Variants in EP300 observed in about 807,000 individuals in gnomAD.
EP300 encodes EP300 lysine acetyltransferase.
EP300 carries 31 observed loss-of-function variants against 264.0 expected under a neutral mutation model. The ratio of observed to expected loss-of-function variants is 0.12; its 90% CI spans 0.09 to 0.16. The LOEUF (loss-of-function observed/expected upper bound fraction) is 0.16. Ranked by LOEUF, EP300 falls within the 10% of genes least tolerant of loss-of-function variation. EP300 has a pLI of 1.00. For synonymous variants in EP300, 1,340 were observed against 1,045.4 expected, an observed-to-expected ratio of 1.28 and a Z score of -5.44; for missense variants, 2,766 against 3,052.9, an observed-to-expected ratio of 0.91 and a Z score of 2.21.
intron 22 of EP300, among the ~76,000 whole-genome samples, chr22:41,164,718 GA>G (rs2059125503): frequency 6.6e-6 from 1 of 151,958 alleles, no homozygotes; most frequent in African/African-American, 2.4e-5. Context: ...CTGTCTCAAA[GA>G]AAAAAGTAAA....
chr22:41,109,888 A>G (rs1351629136), intron 1 of EP300, among the ~76,000 whole-genome samples: 1 of 151,652 alleles, frequency 6.6e-6, no homozygotes. Context: ...ATCTCAGCTA[A>G]ACGGAACTTC....
At chr22:41,150,959 G>A (rs1264385662) in intron 14 of EP300, among the ~76,000 whole-genome samples, 1 of 151,686 alleles carries the variant, frequency 6.6e-6, no homozygotes, top group Non-Finnish European at 1.5e-5. Context: ...AATAAGATGA[G>A]AGAATTATAG....
chr22:41,162,543 A>G lies in EP300; in HGVS notation c.3672-180A>G, dbSNP rs144137380. Among the ~76,000 whole-genome samples the G allele has an allele frequency of 6.8e-3, 1,030 of 152,330 alleles. 3 individuals are homozygous for G. Among genetic ancestry groups the G allele is most frequent in the Non-Finnish European group, 0.012 (812 of 68,028 alleles). On this transcript the variant is annotated intron_variant, in intron 20 of 30. Coordinates refer to ENST00000263253, the MANE Select transcript of EP300 (RefSeq NM_001429.4). ...GGAAATTTATTTACTATGAAGTCCT[A>G]TAGAATATTCCTTTACATAAACATG...
At chr22:41,126,216 T>A in intron 3 of EP300, 176 bp downstream of exon 3, 1 of 661,554 alleles carries the variant, frequency 1.5e-6, no homozygotes, top group Non-Finnish European at 2.6e-6. Flanking sequence ...TTTCTCTGTT[T>A]TTTTTGTTCC....
chr22:41,161,186 A>T (rs1235503375), intron 20 of EP300, among the ~76,000 whole-genome samples: 1 of 152,252 alleles, frequency 6.6e-6, no homozygotes, highest in Non-Finnish European at 1.5e-5. Context: ...TTAACAGAAG[A>T]CCCAAGTCAC....
At chr22:41,129,384 G>A (rs1222777065) in intron 4 of EP300, among the ~76,000 whole-genome samples, 5 of 152,192 alleles carry the variant, frequency 3.3e-5, no homozygotes, top group Admixed American at 1.3e-4. Context: ...GTCTTCCCAT[G>A]TGGTGATCCT....
intron 19 of EP300, chr22:41,160,422 AAAAAAAAAC>A (rs956613567): frequency 6.8e-5 from 34 of 500,534 alleles, no homozygotes; most frequent in Middle Eastern, 1.1e-3. Context: ...TTGATTGCAA[AAAAAAAAAC>A]AAAAAAAAAC....
intron 2 of EP300, among the ~76,000 whole-genome samples, chr22:41,118,051 C>T (rs932422640): frequency 4.6e-5 from 7 of 152,230 alleles, no homozygotes; most frequent in African/African-American, 1.7e-4. Context: ...CTGGTTCTCT[C>T]TGGCACAAGT....
intron 29 of EP300, among the ~76,000 whole-genome samples, chr22:41,175,245 CAG>C (rs1233482577): frequency 6.9e-6 from 1 of 145,532 alleles, no homozygotes; most frequent in Non-Finnish European, 1.5e-5. Flanking sequence ...TGTAGGGTGA[CAG>C]AAGCAGCGAA....
intron 4 of EP300, 79 bp downstream of exon 4, chr22:41,127,827 T>G: frequency 6.4e-7 from 1 of 1,568,030 alleles, no homozygotes; most frequent in Non-Finnish European, 8.7e-7. Flanking sequence ...CAAGTCTATT[T>G]TGTGGTGATG....
At chr22:41,124,972 C>CT (rs1285184748) in intron 2 of EP300, among the ~76,000 whole-genome samples, 2 of 152,092 alleles carry the variant, frequency 1.3e-5, no homozygotes, top group African/African-American at 4.8e-5. Flanking sequence ...GGGTCTCACT[C>CT]TGTTGCCGAG....
At chr22:41,124,084 C>A (rs2145705141) in intron 2 of EP300, among the ~76,000 whole-genome samples, 1 of 152,228 alleles carries the variant, frequency 6.6e-6, no homozygotes, top group Middle Eastern at 3.4e-3. Context: ...CCCGTCTCGA[C>A]TGAAAGTAAA....
chr22:41,149,519 T>G (rs1166826626), intron 13 of EP300, among the ~76,000 whole-genome samples: 1 of 152,166 alleles, frequency 6.6e-6, no homozygotes, highest in Non-Finnish European at 1.5e-5. Context: ...ATTCTGCCAT[T>G]TTTCTGCGGT....
chr22:41,178,746 T>C lies in EP300; in HGVS notation c.7035T>C (p.Ser2345=). The C allele has an allele frequency of 6.2e-7, 1 of 1,613,972 alleles. No individual in the cohort carries two copies. ...PSPHHVSPQT[S]SPHPGLVAAQ... ...CACACCACGTTTCCCCACAGACAAG[T>C]TCCCCACATCCTGGACTGGTAGCTG... The change falls in exon 31 of 31, where the codon AGT becomes AGC. Residue 2345 remains serine, a synonymous_variant. Coordinates refer to ENST00000263253, the MANE Select transcript of EP300 (RefSeq NM_001429.4).
chr22:41,126,045 GTAC>G lies in EP300; in HGVS notation c.906+8_906+10del. 6.2e-7 allele frequency: 1 copy of G among 1,613,844 alleles called. No homozygotes were observed. Among genetic ancestry groups the G allele is most frequent in the Non-Finnish European group, 8.5e-7 (1 of 1,179,764 alleles). On this transcript the variant is annotated splice_donor_region_variant and intron_variant, in intron 3 of 30. Transcript: ENST00000263253. The stretch of plus-strand genomic sequence containing the variant: ...GGTGGAGGAATGCCCAACATGGTGA[GTAC>G]TAATCCATTACAGACTTGTTTTCAA...
intron 19 of EP300, chr22:41,160,159 C>G (rs2059099665): frequency 5.9e-6 from 1 of 169,244 alleles, no homozygotes; most frequent in Non-Finnish European, 1.3e-5. Context: ...TTATTTACAT[C>G]ACATAGCGTT....
At chr22:41,163,929 TAA>T in intron 21 of EP300, 122 bp from the exon 22 acceptor site, 2 of 917,808 alleles carry the variant, frequency 2.2e-6, no homozygotes, top group Non-Finnish European at 3.6e-6. Flanking sequence ...GAAACTTTAT[TAA>T]AACTATTTTC....
At chr22:41,095,232 A>ATTTT (rs66515117) in intron 1 of EP300, among the ~76,000 whole-genome samples, 3,182 of 80,192 alleles carry the variant, frequency 0.04, 182 homozygotes, top group Non-Finnish European at 0.044. Flanking sequence ...TACCATTGTA[A>ATTTT]TTTTTTTTTT....
Position 41,178,426 on chromosome 22 carries a change from A to G in EP300, c.6715A>G (p.Met2239Val), listed in dbSNP as rs1263446940. 6.2e-7 allele frequency: 1 copy of G among 1,614,158 alleles called. No individual in the cohort carries two copies. Among genetic ancestry groups the G allele is most frequent in the East Asian group, 2.2e-5 (1 of 44,880 alleles). Reference sequence around the variant, plus strand: ...CATGCAACAGATGCAACAAGGAAATATGGGACAGATAGGCCAGCTTCCCCA... The same window carrying G: ...CATGCAACAGATGCAACAAGGAAATGTGGGACAGATAGGCCAGCTTCCCCA... ...HHMQQMQQGN[M>V]GQIGQLPQAL... is the part of the protein sequence containing the mutation. The change falls in exon 31 of 31, where the codon ATG becomes GTG. Residue 2239 changes from methionine to valine, a missense_variant. Coordinates refer to ENST00000263253, the MANE Select transcript of EP300 (RefSeq NM_001429.4).
Sources: allele counts gnomAD v4.1 joint callset (sites outside exome capture counted in the v4.1 genomes callset), GRCh38; gene constraint gnomAD v4.1.1; transcripts MANE v1.5; gene names NCBI Gene and HGNC (gene_info 2026-07-23, HGNC 2026-07-21).